PCDHGB7: variants seen among roughly 807,000 people sequenced by gnomAD.
The protein encoded by PCDHGB7 is protocadherin gamma-B7.
A neutral mutation model predicts 61.4 loss-of-function variants in PCDHGB7; 37 were observed. The observed-to-expected ratio is 0.60, with a 90% CI of 0.46 to 0.79. The LOEUF (loss-of-function observed/expected upper bound fraction) is 0.79, where lower values mean the gene tolerates loss of function less well. Ranked by LOEUF, PCDHGB7 falls within the 30% of genes least tolerant of loss-of-function variation. The pLI, the probability that PCDHGB7 is intolerant of heterozygous loss-of-function variation, is 0.00. For missense variants in PCDHGB7, 1,166 were observed against 1,202.5 expected (o/e 0.97, Z 0.45); for synonymous variants, 464 against 503.5 (o/e 0.92, Z 1.05).
chr5:141,420,239 C>G lies in PCDHGB7; in HGVS notation c.2380C>G (p.Pro794Ala), dbSNP rs984335177. ...DSMLLASILTPSVEADKKILK... is the reference protein window; with the variant it reads ...DSMLLASILTASVEADKKILK... Reference sequence around the variant, plus strand: ...CATGCTACTGGCTAGCATTTTAACTCCCAGCGTTGAAGCAGATAAGAAGAT... The same window carrying G: ...CATGCTACTGGCTAGCATTTTAACTGCCAGCGTTGAAGCAGATAAGAAGAT... The change falls in exon 1 of 4, where the codon CCC (proline) becomes GCC (alanine). Residue 794 changes from proline to alanine, a missense_variant. Transcript: ENST00000398594. 1.3e-6 allele frequency: 2 copies of G among 1,593,300 alleles called. No homozygotes were observed. Among genetic ancestry groups the G allele is most frequent in the African/African-American group, 2.7e-5 (2 of 74,072 alleles).
intron 2 of PCDHGB7, among the ~76,000 whole-genome samples, chr5:141,497,540 C>A (rs866982821): frequency 7.4e-6 from 1 of 134,944 alleles, no homozygotes; most frequent in African/African-American, 2.8e-5. Context: ...TGCAACAAAC[C>A]TTTTTTTTTT....
intron 2 of PCDHGB7, among the ~76,000 whole-genome samples, chr5:141,501,290 T>TACAC (rs55762287): frequency 0.051 from 6,975 of 136,060 alleles, 192 homozygotes; most frequent in African/African-American, 0.071. Context: ...TATTCCCTTA[T>TACAC]ACACACACAC....
intron 2 of PCDHGB7, among the ~76,000 whole-genome samples, chr5:141,495,094 C>T (rs1470702358): frequency 6.6e-6 from 1 of 152,156 alleles, no homozygotes; most frequent in African/African-American, 2.4e-5. Flanking sequence ...CTTCCCTCCT[C>T]GCCACGACCG....
At chr5:141,478,740 C>T (rs2099474176) in intron 1 of PCDHGB7, 7 of 1,531,524 alleles carry the variant, frequency 4.6e-6, no homozygotes, top group Non-Finnish European at 6.2e-6. Flanking sequence ...GGTTTGTGGT[C>T]CCATTTCAGG....
At position 141,419,849 on chromosome 5, in the gene PCDHGB7, T is replaced by C; in HGVS notation, c.1990T>C (p.Phe664Leu). Residue 664 changes from phenylalanine to leucine, a missense_variant, in exon 1 of 4, where the codon TTC becomes CTC. Coordinates refer to ENST00000398594, the MANE Select transcript of PCDHGB7 (RefSeq NM_018927.4). ...LSATATLHLVFADSLQEVLPD... is the reference protein window; with the variant it reads ...LSATATLHLVLADSLQEVLPD... ...AGCCACTGCCACGCTGCACCTGGTG[T>C]TCGCAGATAGCTTGCAAGAGGTACT... The C allele has an allele frequency of 6.2e-7, 1 of 1,614,040 alleles. No homozygotes were observed. The highest frequency in any genetic ancestry group is 2.2e-5 in the East Asian group (1 of 44,884).
Position 141,486,998 on chromosome 5 carries a change from C to T in PCDHGB7, c.2416-7809C>T. 1.2e-6 allele frequency: 2 copies of T among 1,614,206 alleles called. No individual in the cohort carries two copies. Among genetic ancestry groups the T allele is most frequent in the Non-Finnish European group, 1.7e-6 (2 of 1,180,034 alleles). On this transcript the variant is annotated intron_variant, in intron 1 of 3. Transcript: ENST00000398594. The surrounding 1 kb of genome is among the most constrained non-coding windows in gnomAD (Gnocchi z 5.0). The stretch of plus-strand genomic sequence containing the variant: ...AGGTTACAATGCTTGGGTTTCCTAT[C>T]AGCTCCTGGAGGCCCCAGATCCCAG...
chr5:141,421,353 G>T, intron 1 of PCDHGB7: 1 of 1,613,998 alleles, frequency 6.2e-7, no homozygotes, highest in Non-Finnish European at 8.5e-7. Context: ...AGACCGAAAA[G>T]GGCTCCTTCG....
At chr5:141,450,006 C>CTTTTTT (rs1554136305) in intron 1 of PCDHGB7, among the ~76,000 whole-genome samples, 15 of 132,950 alleles carry the variant, frequency 1.1e-4, no homozygotes, top group African/African-American at 2.0e-4. Context: ...TGCCATGTCT[C>CTTTTTT]TTTTTTTTTT....
chr5:141,421,374 C>G, intron 1 of PCDHGB7: 1 of 1,614,062 alleles, frequency 6.2e-7, no homozygotes, highest in Non-Finnish European at 8.5e-7. Context: ...TGGGCAATAT[C>G]TCCAAGGACC....
At position 141,470,884 on chromosome 5, in the gene PCDHGB7, G is replaced by T. The variant is rs2099243316; in HGVS notation, c.2416-23923G>T. 3.3e-5 allele frequency among the ~76,000 whole-genome samples: 5 copies of T among 151,648 alleles called. No individual in the cohort carries two copies. In the South Asian group the frequency reaches 1.0e-3, roughly 32 times the overall value. On this transcript the variant is annotated intron_variant, in intron 1 of 3. Coordinates refer to ENST00000398594, the MANE Select transcript of PCDHGB7 (RefSeq NM_018927.4). ...TTTGTTTGTTTGTTTTTTTGTTTTT[G>T]TTTTTGTTTTTTGTAGAGATGGGAC...
At chr5:141,423,099 G>C (rs1344463949) in intron 1 of PCDHGB7, 1 of 1,613,826 alleles carries the variant, frequency 6.2e-7, no homozygotes, top group Non-Finnish European at 8.5e-7. Flanking sequence ...GGGAGCACAC[G>C]GGCGAGGTGC....
chr5:141,477,571 C>T lies in PCDHGB7; in HGVS notation c.2416-17236C>T, dbSNP rs1470454976. The T allele has an allele frequency of 8.1e-6, 13 of 1,614,160 alleles. No individual in the cohort carries two copies. Among genetic ancestry groups the T allele is most frequent in the Middle Eastern group, 1.7e-4 (1 of 6,060 alleles). ...TAAACCTAAGTGTCTGGGACCCCGACGCCCCGCAGAATGCTCGGCTTTCTT... is the reference window on the plus strand; with the variant it reads ...TAAACCTAAGTGTCTGGGACCCCGATGCCCCGCAGAATGCTCGGCTTTCTT... On this transcript the variant is annotated intron_variant, in intron 1 of 3. Transcript: ENST00000398594. This position sits in a 1 kb window ranked among gnomAD's most constrained non-coding sequence, Gnocchi z 4.9.
At chr5:141,481,587 G>A (rs1276529821) in intron 1 of PCDHGB7, among the ~76,000 whole-genome samples, 1 of 152,198 alleles carries the variant, frequency 6.6e-6, no homozygotes, top group African/African-American at 2.4e-5. Context: ...GGAGGCTGAG[G>A]CCAGCGGATC....
At position 141,431,738 on chromosome 5, in the gene PCDHGB7, TA is replaced by T; in HGVS notation, c.2415+11465del. ...AGTGCAAGCAATGGATAATGCAGGA[TA>T]TTCTGCGCGAGCCAAAGTCCTGATC... On this transcript the variant is annotated intron_variant, in intron 1 of 3. Coordinates refer to ENST00000398594, the MANE Select transcript of PCDHGB7 (RefSeq NM_018927.4). The surrounding 1 kb of genome is among the most constrained non-coding windows in gnomAD (Gnocchi z 4.8). The T allele has an allele frequency of 6.2e-7, 1 of 1,614,234 alleles. No individual in the cohort carries two copies. Among genetic ancestry groups the T allele is most frequent in the South Asian group, 1.1e-5 (1 of 91,092 alleles).
At position 141,476,124 on chromosome 5, in the gene PCDHGB7, C is replaced by T. The variant is rs1187643558; in HGVS notation, c.2416-18683C>T. 4 of 1,603,236 alleles carry T rather than the reference C, an allele frequency of 2.5e-6. No homozygotes were observed. Among genetic ancestry groups the T allele is most frequent in the Non-Finnish European group, 3.4e-6 (4 of 1,176,388 alleles). ...GAACTGCTTTTGAGTGAGATGGTCCCAGAGGCCTGGAGGAGCGGACTGGTA... is the reference window on the plus strand; with the variant it reads ...GAACTGCTTTTGAGTGAGATGGTCCTAGAGGCCTGGAGGAGCGGACTGGTA... On this transcript the variant is annotated intron_variant, in intron 1 of 3. Transcript: ENST00000398594. This position sits in a 1 kb window ranked among gnomAD's most constrained non-coding sequence, Gnocchi z 7.6.
At chr5:141,428,102 G>T (rs774075619) in intron 1 of PCDHGB7, 38 of 1,608,516 alleles carry the variant, frequency 2.4e-5, no homozygotes, top group Non-Finnish European at 3.2e-5. Flanking sequence ...CCTACCACGT[G>T]CTGCAGGCCA....
intron 1 of PCDHGB7, chr5:141,478,906 C>T: frequency 1.1e-6 from 1 of 906,534 alleles, no homozygotes; most frequent in Non-Finnish European, 1.6e-6. Context: ...GAATAAGCTG[C>T]TGGATACCTC....
intron 2 of PCDHGB7, among the ~76,000 whole-genome samples, chr5:141,498,436 A>G (rs566463876): frequency 6.6e-6 from 1 of 152,268 alleles, no homozygotes; most frequent in East Asian, 1.9e-4. Flanking sequence ...GGGGATGAAG[A>G]GGAGAGGTTC....
intron 2 of PCDHGB7, among the ~76,000 whole-genome samples, chr5:141,496,391 A>G (rs1473991011): frequency 1.3e-5 from 2 of 151,930 alleles, no homozygotes; most frequent in Admixed American, 6.6e-5. Flanking sequence ...ACCTTACCCT[A>G]CCTCCTCAAT....
Sources: allele counts gnomAD v4.1 joint callset (sites outside exome capture counted in the v4.1 genomes callset), GRCh38; gene constraint gnomAD v4.1.1; non-coding constraint Gnocchi (gnomAD v3.1); transcripts MANE v1.5; gene names NCBI Gene and HGNC (gene_info 2026-07-23, HGNC 2026-07-21).